The following WIPF3 variants were observed in gnomAD, a reference collection of about 807,000 sequenced individuals.
The protein encoded by WIPF3 is WAS/WASL-interacting protein family member 3.
WIPF3 carries 33 observed loss-of-function variants against 38.9 expected under a neutral mutation model. That is an observed-to-expected ratio of 0.85 (90% CI 0.64 to 1.14). WIPF3 has a LOEUF of 1.14. WIPF3 is among the 50% of genes most tolerant of loss of function. The pLI, the probability that WIPF3 is intolerant of heterozygous loss-of-function variation, is 0.00. For synonymous variants in WIPF3, 324 were observed against 269.3 expected (o/e 1.20, Z -1.99); for missense variants, 711 against 652.5 (o/e 1.09, Z -0.98).
chr7:29,833,710 G>C (rs1163017287), intron 1 of WIPF3, among the ~76,000 whole-genome samples: 2 of 152,202 alleles, frequency 1.3e-5, no homozygotes, highest in Non-Finnish European at 2.9e-5. Context: ...CCTTGTTCTG[G>C]TCCTCCAGTA....
chr7:29,873,528 T>A (rs1785534306), intron 2 of WIPF3, among the ~76,000 whole-genome samples: 1 of 152,218 alleles, frequency 6.6e-6, no homozygotes, highest in Non-Finnish European at 1.5e-5. Context: ...GAGGAAACTT[T>A]AAAAATCTTA....
At chr7:29,896,219 G>C (rs1786140455) in intron 7 of WIPF3, among the ~76,000 whole-genome samples, 1 of 150,516 alleles carries the variant, frequency 6.6e-6, no homozygotes. Flanking sequence ...TCAGGCAGGA[G>C]AATCATTTGA....
intron 2 of WIPF3, among the ~76,000 whole-genome samples, chr7:29,840,683 A>AAAG (rs1349149874): frequency 6.6e-6 from 1 of 152,214 alleles, no homozygotes; most frequent in Admixed American, 6.5e-5. Context: ...GCATGGTAAG[A>AAAG]AAGACTTTGT....
At chr7:29,880,238 G>GC (rs1271804511) in intron 4 of WIPF3, among the ~76,000 whole-genome samples, 3 of 152,088 alleles carry the variant, frequency 2.0e-5, no homozygotes, top group Non-Finnish European at 4.4e-5. Context: ...AAATACAAAG[G>GC]CCCAAACCTT....
chr7:29,905,903 A>G (rs1442320948), intron 8 of WIPF3: 2 of 152,154 alleles, frequency 1.3e-5, no homozygotes, highest in Non-Finnish European at 2.9e-5. Context: ...TATGATGAAA[A>G]TTAGAAAGTG....
At chr7:29,897,964 C>T (rs1341036196) in intron 7 of WIPF3, among the ~76,000 whole-genome samples, 4 of 152,144 alleles carry the variant, frequency 2.6e-5, no homozygotes, top group African/African-American at 4.8e-5. Context: ...CTCTCTGGAC[C>T]TACTCTGGTC....
At chr7:29,876,210 C>G (rs1785594043) in intron 3 of WIPF3, among the ~76,000 whole-genome samples, 1 of 152,226 alleles carries the variant, frequency 6.6e-6, no homozygotes, top group South Asian at 2.1e-4. Context: ...AATGGGACAC[C>G]TATTTAAAAA....
rs1456893611 is a variant in WIPF3 at position 29,884,573 on chromosome 7, A to C, written c.1079A>C (p.Lys360Thr). The change falls in exon 5 of 9, where the codon AAG (lysine) becomes ACG (threonine). Residue 360 changes from lysine to threonine, a missense_variant. Physicochemically the swap from Lys to Thr is moderately conservative, Grantham distance 78. Coordinates refer to ENST00000242140, the MANE Select transcript of WIPF3 (RefSeq NM_001080529.3). ...CCGGGCTCCCAGCCGTTCCTGCAGA[A>C]GAAGAGGCATGGCCGACCAGGTAAG... is the stretch of plus-strand genomic sequence containing the variant. ...APPGSQPFLQ[K>T]KRHGRPGAGG... 1.2e-6 allele frequency: 2 copies of C among 1,605,136 alleles called. No homozygotes were observed. The highest frequency in any genetic ancestry group is 2.7e-5 in the African/African-American group (2 of 74,834).
rs80217709 is a variant in WIPF3 at position 29,887,759 on chromosome 7, A to G, written c.1100-309A>G. Among the ~76,000 whole-genome samples, 482 of 152,288 alleles carry G rather than the reference A, an allele frequency of 3.2e-3. 3 individuals are homozygous for G. The highest frequency in any genetic ancestry group is 0.011 in the African/African-American group (468 of 41,540). Reference sequence around the variant, plus strand: ...AATATTATTGCAGCAGCTAACATTTATTGAGGACTTACTACATGCCACTCA... The same window carrying G: ...AATATTATTGCAGCAGCTAACATTTGTTGAGGACTTACTACATGCCACTCA... On this transcript the variant is annotated intron_variant, in intron 5 of 8. Coordinates refer to ENST00000242140, the MANE Select transcript of WIPF3 (RefSeq NM_001080529.3).
At chr7:29,881,334 C>A (rs1076282) in intron 4 of WIPF3, among the ~76,000 whole-genome samples, 65,218 of 152,120 alleles carry the variant, frequency 0.43, 14,904 homozygotes, top group African/African-American at 0.57. Flanking sequence ...TTGTTCATTG[C>A]CATAGAAATG....
At chr7:29,866,100 G>A (rs10155887) in intron 2 of WIPF3, among the ~76,000 whole-genome samples, 1,626 of 152,170 alleles carry the variant, frequency 0.011, 34 homozygotes, top group African/African-American at 0.038. Context: ...TGGAGGTTGC[G>A]GTAAACCAAA....
intron 2 of WIPF3, among the ~76,000 whole-genome samples, chr7:29,853,114 G>T (rs1239011656): frequency 6.6e-6 from 1 of 152,128 alleles, no homozygotes; most frequent in Admixed American, 6.5e-5. Flanking sequence ...AATAGAAGAG[G>T]GAGGAAAACC....
chr7:29,901,853 AG>A (rs980508798), intron 7 of WIPF3, among the ~76,000 whole-genome samples: 7 of 145,658 alleles, frequency 4.8e-5, no homozygotes, highest in African/African-American at 1.2e-4. Flanking sequence ...AAAAAAAGAA[AG>A]AAAGAAAGAA....
At chr7:29,819,971 G>T (rs532807569) in intron 1 of WIPF3, among the ~76,000 whole-genome samples, 1 of 151,922 alleles carries the variant, frequency 6.6e-6, no homozygotes, top group Non-Finnish European at 1.5e-5. Context: ...ACTTTAATAT[G>T]TGTCTTCTAT....
intron 1 of WIPF3, among the ~76,000 whole-genome samples, chr7:29,817,640 T>A (rs1050338245): frequency 6.6e-6 from 1 of 152,134 alleles, no homozygotes; most frequent in African/African-American, 2.4e-5. Context: ...TTTCTTTTTT[T>A]AAAATAATAA....
chr7:29,889,537 A>T (rs1449699140), intron 7 of WIPF3, 130 bp downstream of exon 7: 1 of 694,536 alleles, frequency 1.4e-6, no homozygotes, highest in African/African-American at 1.8e-5. Flanking sequence ...GCAAGGATGT[A>T]GTGCTGTGCA....
chr7:29,875,569 G>A (rs758008039), intron 2 of WIPF3, among the ~76,000 whole-genome samples: 4 of 152,060 alleles, frequency 2.6e-5, no homozygotes, highest in Non-Finnish European at 5.9e-5. Flanking sequence ...TATGATTTAG[G>A]GCTCCCTAAG....
At chr7:29,818,127 G>A (rs2128062224) in intron 1 of WIPF3, among the ~76,000 whole-genome samples, 1 of 152,286 alleles carries the variant, frequency 6.6e-6, no homozygotes, top group South Asian at 2.1e-4. Flanking sequence ...TGGTTTGGAA[G>A]AGCTACCTTT....
intron 1 of WIPF3, among the ~76,000 whole-genome samples, chr7:29,830,278 G>A (rs1278646961): frequency 2.0e-5 from 3 of 151,402 alleles, no homozygotes; most frequent in African/African-American, 7.3e-5. Context: ...GGTGAGGGAG[G>A]GGCAAGCAGA....
Sources: gnomAD v4.1 joint callset for allele counts (sites outside exome capture counted in the v4.1 genomes callset) on GRCh38, gnomAD v4.1.1 for gene constraint, MANE v1.5 for transcripts, NCBI Gene and HGNC (gene_info 2026-07-23, HGNC 2026-07-21) for gene names.